AFF3: variants seen among roughly 807,000 people sequenced by gnomAD.
AFF3 encodes ALF transcription elongation factor 3, also known as AF4/FMR2 family member 3.
A neutral mutation model predicts 129.7 loss-of-function variants in AFF3; 32 were observed. The ratio of observed to expected loss-of-function variants is 0.25; its 90% confidence interval spans 0.19 to 0.33. The LOEUF is 0.33. AFF3 is among the 10% of genes least tolerant of loss of function. AFF3 has a pLI of 1.00. For synonymous variants in AFF3, 644 were observed against 635.4 expected, an observed-to-expected ratio of 1.01 and a Z score of -0.20; for missense variants, 1,373 against 1,592.0, an observed-to-expected ratio of 0.86 and a Z score of 2.34.
At position 99,570,909 on chromosome 2, in the gene AFF3, C is replaced by T. The variant is rs78252896; in HGVS notation, c.2919-1994G>A. Among the ~76,000 whole-genome samples the T allele has an allele frequency of 7.2e-3, 1,092 of 152,370 alleles. 10 individuals are homozygous for T. The highest frequency in any genetic ancestry group is 0.025 in the African/African-American group (1,034 of 41,588). ...TTGCCTGGCCCTCAATTTCCCCCGC[C>T]GTAAGGCGTTCCGAGTAACCTTGGT... is the stretch of plus-strand genomic sequence containing the variant. On this transcript the variant is annotated intron_variant, in intron 18 of 24. Coordinates refer to ENST00000672756, the MANE Select transcript of AFF3 (RefSeq NM_001386135.1).
At chr2:99,918,461 G>A (rs1391839909) in intron 7 of AFF3, among the ~76,000 whole-genome samples, 5 of 152,164 alleles carry the variant, frequency 3.3e-5, no homozygotes, top group Non-Finnish European at 7.4e-5. Flanking sequence ...CAGAGTAACA[G>A]ATCAAGTCAC....
At chr2:99,575,414 A>ATTTTTT (rs540441950) in intron 18 of AFF3, among the ~76,000 whole-genome samples, 22,710 of 126,388 alleles carry the variant, frequency 0.18, 1,915 homozygotes, top group East Asian at 0.32. Context: ...TGCCTGGCTA[A>ATTTTTT]TTTTTTTTTT....
Position 99,744,801 on chromosome 2 carries a change from G to C in AFF3, c.1003-661C>G, listed in dbSNP as rs77787760. ...CATTCATCTGTTAATGGGTATTTGG[G>C]CTGTTTCTACCTTTTGGATATTGTA... On this transcript the variant is annotated intron_variant, in intron 9 of 24. Transcript: ENST00000672756. 3.0e-3 allele frequency among the ~76,000 whole-genome samples: 458 copies of C among 152,232 alleles called. 7 individuals carry two copies. Among genetic ancestry groups the C allele is most frequent in the East Asian group, 0.014 (72 of 5,194 alleles).
At chr2:99,890,253 T>C (rs1693449605) in intron 7 of AFF3, among the ~76,000 whole-genome samples, 2 of 152,086 alleles carry the variant, frequency 1.3e-5, no homozygotes, top group Admixed American at 6.5e-5. Context: ...GCAAGGGAAA[T>C]GGCAGGACAG....
At chr2:99,901,423 C>T (rs1694335933) in intron 7 of AFF3, among the ~76,000 whole-genome samples, 1 of 152,178 alleles carries the variant, frequency 6.6e-6, no homozygotes, top group Non-Finnish European at 1.5e-5. Flanking sequence ...ACCCTGCTGG[C>T]ACTACTAAAC....
chr2:99,575,523 A>G (rs1676910052), intron 18 of AFF3, among the ~76,000 whole-genome samples: 4 of 151,096 alleles, frequency 2.6e-5, no homozygotes, highest in Admixed American at 2.6e-4. Flanking sequence ...GGCTCCCCCA[A>G]GTGCTGGGAT....
intron 4 of AFF3, among the ~76,000 whole-genome samples, chr2:100,060,983 G>T (rs1479376149): frequency 6.6e-6 from 1 of 152,108 alleles, no homozygotes; most frequent in Admixed American, 6.5e-5. Flanking sequence ...CCAGGCATTT[G>T]GTAAAATATC....
chr2:100,079,743 G>T (rs1227837582), intron 4 of AFF3, among the ~76,000 whole-genome samples: 3 of 152,128 alleles, frequency 2.0e-5, no homozygotes, highest in Admixed American at 2.0e-4. Flanking sequence ...ACAAACACCA[G>T]ATTCCTGTAC....
At chr2:99,587,116 T>C (rs776240475) in intron 16 of AFF3, 38 bp downstream of exon 16, 1 of 1,611,316 alleles carries the variant, frequency 6.2e-7, no homozygotes, top group Non-Finnish European at 8.5e-7. Flanking sequence ...CCCAGAGATC[T>C]CTCCAGCTCA....
chr2:99,693,814 C>A (rs1013165531), intron 11 of AFF3, among the ~76,000 whole-genome samples: 1 of 152,140 alleles, frequency 6.6e-6, no homozygotes, highest in Non-Finnish European at 1.5e-5. Flanking sequence ...GAAAAACACC[C>A]CAAACACTTC....
chr2:99,596,249 G>A (rs966173486), intron 14 of AFF3, among the ~76,000 whole-genome samples: 5 of 152,276 alleles, frequency 3.3e-5, no homozygotes, highest in Admixed American at 2.0e-4. Context: ...AAGGGAACAC[G>A]GGAAACCTAT....
intron 7 of AFF3, among the ~76,000 whole-genome samples, chr2:99,917,670 A>T (rs1040005408): frequency 6.6e-6 from 1 of 152,182 alleles, no homozygotes; most frequent in African/African-American, 2.4e-5. Flanking sequence ...TTTCTATATT[A>T]AAAAGGACCC....
rs146820233 is a variant in AFF3, at chr2:100,011,517, T to C, written c.54-2585A>G. On this transcript the variant is annotated intron_variant, in intron 4 of 24. Transcript: ENST00000672756. ...AATACCTCCTGCATCTGCTGGCTGA[T>C]GACTGAAATTCCACAACTAGAGAGT... 694 of 781,090 alleles carry C rather than the reference T, an allele frequency of 8.9e-4. 6 individuals are homozygous for C. The African/African-American group carries it at 0.011, about 12-fold the overall frequency. 48.4% of individuals were successfully genotyped at this position (781,090 alleles called of 1,614,324 possible). A position where few individuals can be genotyped will look rare whatever the true frequency, so the allele number is the denominator to read the frequency against.
At chr2:99,858,838 C>A (rs981367663) in intron 7 of AFF3, among the ~76,000 whole-genome samples, 1 of 152,146 alleles carries the variant, frequency 6.6e-6, no homozygotes, top group Non-Finnish European at 1.5e-5. Context: ...AACTGTACAA[C>A]AAACCCCCAT....
chr2:99,824,295 A>G (rs955375446), intron 8 of AFF3, among the ~76,000 whole-genome samples: 1 of 152,026 alleles, frequency 6.6e-6, no homozygotes, highest in Non-Finnish European at 1.5e-5. Flanking sequence ...TTGTGTGTTT[A>G]GTAGAGACAG....
chr2:99,821,066 T>C (rs2105682083), intron 8 of AFF3, among the ~76,000 whole-genome samples: 1 of 152,038 alleles, frequency 6.6e-6, no homozygotes, highest in South Asian at 2.1e-4. Context: ...ACAGACGGCG[T>C]TTCCTCATGT....
chr2:99,824,022 C>A lies in AFF3; in HGVS notation c.921+13455G>T, dbSNP rs148077063. 1.4e-4 allele frequency among the ~76,000 whole-genome samples: 21 copies of A among 152,216 alleles called. 1 individual carries two copies. In the East Asian group the frequency reaches 3.9e-3, roughly 28 times the overall value. Reference sequence around the variant, plus strand: ...CCTAGATGAGGGGATCACTTGTACCCCAAACCTCAGCATCATGCAATATAC... The same window carrying A: ...CCTAGATGAGGGGATCACTTGTACCACAAACCTCAGCATCATGCAATATAC... On this transcript the variant is annotated intron_variant, in intron 8 of 24. Coordinates refer to ENST00000672756, the MANE Select transcript of AFF3 (RefSeq NM_001386135.1).
At chr2:100,129,963 A>G (rs1464528862) in intron 1 of AFF3, among the ~76,000 whole-genome samples, 4 of 152,196 alleles carry the variant, frequency 2.6e-5, no homozygotes, top group East Asian at 1.9e-4. Context: ...CTAACACTCA[A>G]TGAAGCCTTT....
At chr2:99,565,712 A>G in intron 19 of AFF3, 89 bp from the exon 20 acceptor site, 1 of 1,401,116 alleles carries the variant, frequency 7.1e-7, no homozygotes, top group South Asian at 1.4e-5. Context: ...TATTTGAGAA[A>G]CCCAACTCTG....
Sources: gnomAD v4.1 joint callset for allele counts (sites outside exome capture counted in the v4.1 genomes callset) on GRCh38, gnomAD v4.1.1 for gene constraint, MANE v1.5 for transcripts, NCBI Gene and HGNC (gene_info 2026-07-23, HGNC 2026-07-21) for gene names.